ZNF157: variants seen among roughly 807,000 people sequenced by gnomAD.
ZNF157 encodes the protein zinc finger protein 22.
In ZNF157, 8 loss-of-function variants were observed where a neutral mutation model predicts 9.4. The observed-to-expected ratio is 0.85, with a 90% CI of 0.50 to 1.53. ZNF157 has a LOEUF of 1.53. Ranked by LOEUF, ZNF157 falls within the 40% of genes most tolerant of loss-of-function variation. The pLI is 0.00. For synonymous variants in ZNF157, 120 were observed against 130.8 expected (o/e 0.92, Z 0.56); for missense variants, 316 against 385.2 (o/e 0.82, Z 1.50).
At chrX:47,375,044 T>G (rs2055840627) in intron 1 of ZNF157, among the ~76,000 whole-genome samples, 1 of 65,210 alleles carries the variant, frequency 1.5e-5, no homozygotes, top group Admixed American at 2.4e-4. Context: ...TCAGACAGAG[T>G]CTTGCTCTGT....
chrX:47,381,808 G>T (rs2055864248), intron 1 of ZNF157, among the ~76,000 whole-genome samples: 1 of 111,898 alleles, frequency 8.9e-6, no homozygotes, highest in Admixed American at 9.6e-5. Context: ...AAAAACACAA[G>T]AAGTTATTCA....
chrX:47,402,410 T>C (rs901241800), intron 1 of ZNF157, among the ~76,000 whole-genome samples: 1 of 111,819 alleles, frequency 8.9e-6, no homozygotes, highest in Non-Finnish European at 1.9e-5. Context: ...ATTTAATCTG[T>C]CTCATTCTGT....
intron 1 of ZNF157, among the ~76,000 whole-genome samples, chrX:47,372,722 G>A (rs1018119442): frequency 3.2e-4 from 35 of 108,919 alleles, no homozygotes; most frequent in Non-Finnish European, 5.3e-4. Flanking sequence ...TCAAACTCCC[G>A]ACCTCAGGTG....
intron 3 of ZNF157, among the ~76,000 whole-genome samples, chrX:47,411,652 G>A (rs749711957): frequency 9.0e-6 from 1 of 111,052 alleles, no homozygotes; most frequent in Admixed American, 9.7e-5. Flanking sequence ...AGAGGTATGA[G>A]CCACCACACC....
At chrX:47,397,318 C>A (rs192038804) in intron 1 of ZNF157, among the ~76,000 whole-genome samples, 1 of 102,459 alleles carries the variant, frequency 9.8e-6, no homozygotes, top group East Asian at 3.2e-4. Context: ...TCTTAGCTAA[C>A]CACAACCTCC....
intron 1 of ZNF157, among the ~76,000 whole-genome samples, chrX:47,395,116 C>T (rs1295854791): frequency 9.0e-6 from 1 of 111,523 alleles, no homozygotes; most frequent in East Asian, 2.8e-4. Context: ...GAGGCATCAC[C>T]ATGTTGCCCA....
At chrX:47,388,800 A>C in intron 1 of ZNF157, 2 of 138,553 alleles carry the variant, frequency 1.4e-5, no homozygotes, top group Middle Eastern at 1.4e-3. Flanking sequence ...TCTTTTGTTA[A>C]ATCTTCATAC....
chrX:47,414,142 G>T lies in ZNF157; in HGVS notation c.*548G>T, dbSNP rs1050410410. On this transcript the variant is annotated 3_prime_UTR_variant, in exon 4 of 4. Coordinates refer to ENST00000377073, the MANE Select transcript of ZNF157 (RefSeq NM_003446.4). ...TTCTCCTGCCTCAGTCTCCCAAGTA[G>T]CTGGGATTACAGGTGTGCACCACCA... The T allele has an allele frequency of 4.5e-5, 5 of 110,103 alleles. No individual in the cohort carries two copies. Among genetic ancestry groups the T allele is most frequent in the African/African-American group, 1.7e-4 (5 of 30,301 alleles). The allele number at this position is 110,103 out of a possible 1,213,427, so 9.1% of individuals were successfully genotyped here.
At chrX:47,402,652 G>A (rs1237844734) in intron 1 of ZNF157, among the ~76,000 whole-genome samples, 1 of 105,993 alleles carries the variant, frequency 9.4e-6, no homozygotes, top group Non-Finnish European at 1.9e-5. Flanking sequence ...CCATTCTCTT[G>A]CCTCAGCCTC....
chrX:47,371,123 C>T (rs990722345), intron 1 of ZNF157, among the ~76,000 whole-genome samples: 3 of 110,920 alleles, frequency 2.7e-5, no homozygotes, highest in African/African-American at 6.6e-5. Context: ...GGATCACTTG[C>T]GGCCAGGAGT....
intron 3 of ZNF157, among the ~76,000 whole-genome samples, chrX:47,411,279 G>A (rs759387082): frequency 6.3e-5 from 7 of 110,485 alleles, no homozygotes; most frequent in African/African-American, 1.3e-4. Flanking sequence ...GTGAGCCACC[G>A]CACCTAGCCT....
chrX:47,389,496 G>T (rs772184305), intron 1 of ZNF157, among the ~76,000 whole-genome samples: 44 of 111,353 alleles, frequency 4.0e-4, no homozygotes, highest in Non-Finnish European at 5.8e-4. Flanking sequence ...GACTACAGGC[G>T]CACGTCGCCA....
At chrX:47,409,910 A>G (rs956956332) in intron 1 of ZNF157, among the ~76,000 whole-genome samples, 3 of 111,126 alleles carry the variant, frequency 2.7e-5, no homozygotes, top group African/African-American at 9.8e-5. Context: ...TGGCCTCCCA[A>G]AGTGCTGGGA....
intron 1 of ZNF157, chrX:47,391,375 G>C (rs2055896565): frequency 8.9e-6 from 1 of 111,937 alleles, no homozygotes; most frequent in Non-Finnish European, 1.9e-5. Flanking sequence ...GGCACCAGAA[G>C]TGTTTTGGAT....
chrX:47,405,373 G>A (rs184441460), intron 1 of ZNF157, among the ~76,000 whole-genome samples: 57 of 108,101 alleles, frequency 5.3e-4, no homozygotes, highest in African/African-American at 1.8e-3. Flanking sequence ...TCAGCAACAA[G>A]AGCAAAACTC....
chrX:47,370,787 A>T, intron 1 of ZNF157, 47 bp downstream of exon 1: 2 of 1,010,166 alleles, frequency 2.0e-6, no homozygotes, highest in Non-Finnish European at 2.6e-6. Flanking sequence ...TTATTTTTTT[A>T]TTTATTTTTA....
At position 47,413,608 on chromosome X, in the gene ZNF157, C is replaced by A; in HGVS notation, c.*14C>A. 1 of 1,171,429 alleles carries A rather than the reference C, an allele frequency of 8.5e-7. No homozygotes were observed. The highest frequency in any genetic ancestry group is 2.0e-5 in the South Asian group (1 of 49,701). On this transcript the variant is annotated 3_prime_UTR_variant, in exon 4 of 4. Transcript: ENST00000377073. ...GCCTCTCACTGAAGACTTCCCTCAC[C>A]ATTGGATCAAGCTCCTTGGGGGCAT...
intron 1 of ZNF157, among the ~76,000 whole-genome samples, chrX:47,387,466 A>G (rs1176226242): frequency 9.1e-6 from 1 of 109,407 alleles, no homozygotes; most frequent in African/African-American, 3.3e-5. Flanking sequence ...CATGTTGGTC[A>G]GGGTGGTCTT....
At position 47,396,751 on chromosome X, in the gene ZNF157, G is replaced by A. The variant is rs898228690; in HGVS notation, c.73-13525G>A. On this transcript the variant is annotated intron_variant, in intron 1 of 3. Coordinates refer to ENST00000377073, the MANE Select transcript of ZNF157 (RefSeq NM_003446.4). ...AGTCTGTTCTCATGCTGCTAATAAAGACATACCCAAGACTTGGTAATTTGT... is the reference window on the plus strand; with the variant it reads ...AGTCTGTTCTCATGCTGCTAATAAAAACATACCCAAGACTTGGTAATTTGT... Among the ~76,000 whole-genome samples the A allele has an allele frequency of 4.5e-5, 5 of 111,276 alleles. No homozygotes were observed. In the East Asian group the frequency reaches 1.4e-3, roughly 31 times the overall value.
Sources: gnomAD v4.1 joint callset for allele counts (sites outside exome capture counted in the v4.1 genomes callset) on GRCh38, gnomAD v4.1.1 for gene constraint, MANE v1.5 for transcripts, NCBI Gene and HGNC (gene_info 2026-07-23, HGNC 2026-07-21) for gene names.